The following JARID2 variants were observed in gnomAD, a reference collection of about 807,000 sequenced individuals.
JARID2 encodes the protein jumonji and AT-rich interaction domain containing 2.
In JARID2, 21 loss-of-function variants were observed where a neutral mutation model predicts 125.6. The ratio of observed to expected loss-of-function variants is 0.17; its 90% CI spans 0.12 to 0.24. The LOEUF (loss-of-function observed/expected upper bound fraction) is 0.24, where lower values mean the gene tolerates loss of function less well. Among genes scored for constraint, JARID2 ranks in the 10% least tolerant of loss-of-function variants. JARID2 has a pLI of 1.00. For synonymous variants in JARID2, 736 were observed against 661.6 expected, an observed-to-expected ratio of 1.11 and a Z score of -1.73; for missense variants, 1,303 against 1,639.6, an observed-to-expected ratio of 0.79 and a Z score of 3.55.
At chr6:15,359,615 G>A (rs1011021546) in intron 1 of JARID2, among the ~76,000 whole-genome samples, 7 of 152,018 alleles carry the variant, frequency 4.6e-5, no homozygotes, top group Admixed American at 6.5e-5. Flanking sequence ...TGTGGGTAGC[G>A]GTGGGGGGTG....
intron 1 of JARID2, among the ~76,000 whole-genome samples, chr6:15,365,483 C>T (rs74857545): frequency 0.021 from 3,249 of 152,208 alleles, 70 homozygotes; most frequent in Middle Eastern, 0.054. Flanking sequence ...CATGCTCAGA[C>T]GCAAAAGAGC....
chr6:15,285,429 G>C (rs772250308), intron 1 of JARID2, among the ~76,000 whole-genome samples: 1 of 152,090 alleles, frequency 6.6e-6, no homozygotes, highest in Non-Finnish European at 1.5e-5. Flanking sequence ...CCAGCCGTCA[G>C]TGTACTTTAA....
chr6:15,402,157 TTATGG>T (rs1765463366), intron 2 of JARID2, among the ~76,000 whole-genome samples: 2 of 152,192 alleles, frequency 1.3e-5, no homozygotes, highest in Admixed American at 1.3e-4. Context: ...TATCTACAAA[TTATGG>T]TGTCAGTCAG....
chr6:15,485,144 T>C (rs1427179128), intron 5 of JARID2, among the ~76,000 whole-genome samples: 1 of 152,228 alleles, frequency 6.6e-6, no homozygotes, highest in Non-Finnish European at 1.5e-5. Flanking sequence ...CAGTAGAATC[T>C]TGTGCAACGT....
At chr6:15,248,740 A>G (rs998011769) in intron 1 of JARID2, 2 of 181,842 alleles carry the variant, frequency 1.1e-5, no homozygotes, top group South Asian at 1.9e-4. Context: ...CTCTGTTGTC[A>G]TTGTGACGTC....
rs768294246 is a variant in JARID2 at position 15,501,011 on chromosome 6, C to T, written c.2050C>T (p.Leu684=). The change falls in exon 8 of 18, where the codon CTG becomes TTG. Residue 684 remains leucine, a synonymous_variant. Transcript: ENST00000341776. ...LKKWNKLADM[L]RIPRTAQDRL... The stretch of plus-strand genomic sequence containing the variant: ...AAAATGGAACAAACTAGCAGACATG[C>T]TGCGCATCCCCAGAACTGCCCAGGA... The T allele has an allele frequency of 3.1e-6, 5 of 1,614,150 alleles. No homozygotes were observed. The highest frequency in any genetic ancestry group is 4.2e-6 in the Non-Finnish European group (5 of 1,179,966).
chr6:15,520,042 C>CT (rs751449286), intron 17 of JARID2, 27 bp from the exon 18 acceptor site: 1 of 1,597,152 alleles, frequency 6.3e-7, no homozygotes, highest in South Asian at 1.1e-5. Flanking sequence ...GGTATGTTAA[C>CT]TGTGTCTTCC....
At chr6:15,441,485 C>T (rs1338749862) in intron 3 of JARID2, among the ~76,000 whole-genome samples, 1 of 152,154 alleles carries the variant, frequency 6.6e-6, no homozygotes, top group Non-Finnish European at 1.5e-5. Flanking sequence ...ATAAGATTTG[C>T]AGTGGGTGGG....
chr6:15,501,739 G>C (rs1770746849), intron 8 of JARID2, among the ~76,000 whole-genome samples: 1 of 152,180 alleles, frequency 6.6e-6, no homozygotes. Flanking sequence ...ACTCCACGAA[G>C]ATACCACGAG....
At chr6:15,399,616 G>GA (rs1447800733) in intron 2 of JARID2, among the ~76,000 whole-genome samples, 1 of 152,310 alleles carries the variant, frequency 6.6e-6, no homozygotes, top group East Asian at 1.9e-4. Context: ...CCATTGTGGA[G>GA]AGAATACCCG....
intron 1 of JARID2, among the ~76,000 whole-genome samples, chr6:15,267,385 G>C (rs1327715216): frequency 6.6e-6 from 1 of 152,172 alleles, no homozygotes; most frequent in Non-Finnish European, 1.5e-5. Flanking sequence ...GCAACCACCA[G>C]GAAAGGATCC....
At chr6:15,504,356 T>C in intron 8 of JARID2, 144 bp from the exon 9 acceptor site, 1 of 627,692 alleles carries the variant, frequency 1.6e-6, no homozygotes. Flanking sequence ...TTCTTCCTTC[T>C]CTGCCTGTCA....
intron 1 of JARID2, among the ~76,000 whole-genome samples, chr6:15,336,237 G>C (rs750875954): frequency 3.3e-5 from 5 of 152,246 alleles, no homozygotes; most frequent in Non-Finnish European, 5.9e-5. Context: ...GGGAATCTGA[G>C]GGAGGGAAGG....
intron 2 of JARID2, among the ~76,000 whole-genome samples, chr6:15,381,790 C>A (rs1212196773): frequency 6.6e-6 from 1 of 152,134 alleles, no homozygotes; most frequent in Non-Finnish European, 1.5e-5. Flanking sequence ...TGGTCAAGTC[C>A]TAATACCTTA....
chr6:15,333,237 A>G (rs1261104411), intron 1 of JARID2, among the ~76,000 whole-genome samples: 1 of 152,136 alleles, frequency 6.6e-6, no homozygotes. Context: ...CGGCACATTT[A>G]CCCTTTTAAA....
Position 15,428,477 on chromosome 6 carries a change from G to C in JARID2, c.323+18112G>C, listed in dbSNP as rs113030680. 6.0e-3 allele frequency among the ~76,000 whole-genome samples: 910 copies of C among 152,132 alleles called. 6 individuals carry two copies. Among genetic ancestry groups the C allele is most frequent in the African/African-American group, 0.02 (834 of 41,486 alleles). On this transcript the variant is annotated intron_variant, in intron 3 of 17. Transcript: ENST00000341776. The stretch of plus-strand genomic sequence containing the variant: ...GATGTTGCCCTTCCTGTGTCCAAGT[G>C]TTCTCATTGTTCAATTCCCACTTAT...
chr6:15,297,258 C>T (rs1413887874), intron 1 of JARID2, among the ~76,000 whole-genome samples: 2 of 152,288 alleles, frequency 1.3e-5, no homozygotes, highest in African/African-American at 4.8e-5. Context: ...TCGAGCAGTT[C>T]TCTGCCTCAG....
At chr6:15,478,462 G>A (rs1016389327) in intron 5 of JARID2, among the ~76,000 whole-genome samples, 2 of 151,922 alleles carry the variant, frequency 1.3e-5, no homozygotes, top group African/African-American at 4.8e-5. Flanking sequence ...CTTTGAAAAT[G>A]ACCAAGTTGC....
intron 1 of JARID2, among the ~76,000 whole-genome samples, chr6:15,315,835 C>G (rs1762161627): frequency 6.6e-6 from 1 of 152,140 alleles, no homozygotes; most frequent in African/African-American, 2.4e-5. Flanking sequence ...AGTGTGCCGT[C>G]CATACGTTGA....
Sources: gnomAD v4.1 joint callset for allele counts (sites outside exome capture counted in the v4.1 genomes callset) on GRCh38, gnomAD v4.1.1 for gene constraint, MANE v1.5 for transcripts, NCBI Gene and HGNC (gene_info 2026-07-23, HGNC 2026-07-21) for gene names.